The following SF3B3 variants were observed in gnomAD, a reference collection of about 807,000 sequenced individuals.
SF3B3 encodes splicing factor 3b subunit 3.
In SF3B3, 33 loss-of-function variants were observed where a neutral mutation model predicts 139.2. The ratio of observed to expected loss-of-function variants is 0.24; its 90% CI spans 0.18 to 0.32. SF3B3 has a LOEUF of 0.32. SF3B3 is among the 10% of genes least tolerant of loss of function. SF3B3 has a pLI of 1.00. For synonymous variants in SF3B3, 596 were observed against 563.6 expected (o/e 1.06, Z -0.81); for missense variants, 818 against 1,509.4 (o/e 0.54, Z 7.59).
intron 13 of SF3B3, among the ~76,000 whole-genome samples, chr16:70,555,918 G>T (rs1400516811): frequency 1.3e-5 from 2 of 152,142 alleles, no homozygotes; most frequent in African/African-American, 4.8e-5. Context: ...AAAATTTGTG[G>T]CACATTGACC....
intron 10 of SF3B3, among the ~76,000 whole-genome samples, chr16:70,546,850 A>AC (rs1250485476): frequency 6.6e-6 from 1 of 151,906 alleles, no homozygotes; most frequent in East Asian, 1.9e-4. Context: ...ACACGGTGAA[A>AC]CCCCGTCTCT....
Position 70,577,151 on chromosome 16 carries a change from G to T in SF3B3, c.*5338G>T, listed in dbSNP as rs917005060. The T allele has an allele frequency of 1.3e-5, 2 of 152,182 alleles. No individual in the cohort carries two copies. The highest frequency in any genetic ancestry group is 2.9e-5 in the Non-Finnish European group (2 of 68,106). The allele number at this position is 152,182 out of a possible 1,614,324, so 9.4% of individuals were successfully genotyped here. ...CAAAAACACCAAAAAACAAAAACCG[G>T]TCTCCTGGGGTCATGGTAGCACAAA... On this transcript the variant is annotated 3_prime_UTR_variant, in exon 26 of 26. Coordinates refer to ENST00000302516, the MANE Select transcript of SF3B3 (RefSeq NM_012426.5).
At chr16:70,561,834 G>C (rs145033071) in intron 17 of SF3B3, 50 bp downstream of exon 17, 1 of 1,532,200 alleles carries the variant, frequency 6.5e-7, no homozygotes, top group African/African-American at 1.4e-5. Context: ...TCTGCCAAGG[G>C]CTCAGACTGG....
chr16:70,539,482 A>G (rs1330242849), intron 8 of SF3B3, among the ~76,000 whole-genome samples: 1 of 152,072 alleles, frequency 6.6e-6, no homozygotes, highest in African/African-American at 2.4e-5. Context: ...TGGAAGGTGG[A>G]GATTGCAGTG....
intron 11 of SF3B3, chr16:70,550,546 T>C: frequency 2.3e-6 from 1 of 432,176 alleles, no homozygotes; most frequent in Non-Finnish European, 3.1e-6. Context: ...TGAGTGAACA[T>C]TCCTTCTGCC....
chr16:70,535,628 ACTAAT>A (rs2050159041), intron 6 of SF3B3, among the ~76,000 whole-genome samples: 1 of 152,236 alleles, frequency 6.6e-6, no homozygotes, highest in African/African-American at 2.4e-5. Context: ...GGGAATTAAA[ACTAAT>A]CTAATTTCTA....
rs1336985029 is a variant in SF3B3, at chr16:70,563,619, A to G, written c.2289-257A>G. The G allele has an allele frequency of 1.0e-5, 4 of 388,842 alleles. No homozygotes were observed. The Admixed American group carries it at 1.3e-4, about 12-fold the overall frequency. The allele number at this position is 388,842 out of a possible 1,614,324, so 24.1% of individuals were successfully genotyped here. The stretch of plus-strand genomic sequence containing the variant: ...GAGTGATTAAAAAAAAACTTTTGAC[A>G]ATCGTTTGTGTTTCATTGGTAGGAA... On this transcript the variant is annotated intron_variant, in intron 17 of 25. Coordinates refer to ENST00000302516, the MANE Select transcript of SF3B3 (RefSeq NM_012426.5).
In SF3B3 at chr16:70,544,328, G is replaced by A. The variant is rs1046435309; in HGVS notation, c.1234-110G>A. On this transcript the variant is annotated intron_variant, in intron 9 of 25. Coordinates refer to ENST00000302516, the MANE Select transcript of SF3B3 (RefSeq NM_012426.5). ...TTCACCTCTTTTCACATATTGATCA[G>A]CAGATAATTGTATTGGAAAGCAGCT... The A allele has an allele frequency of 4.4e-6, 3 of 680,720 alleles. No homozygotes were observed. In the Admixed American group the frequency reaches 7.2e-5, roughly 16 times the overall value. The allele number at this position is 680,720 out of a possible 1,614,324, so 42.2% of individuals were successfully genotyped here.
chr16:70,542,219 ATGTGT>A (rs1321782155), intron 9 of SF3B3, among the ~76,000 whole-genome samples: 1 of 57,156 alleles, frequency 1.7e-5, no homozygotes, highest in Non-Finnish European at 4.4e-5. Flanking sequence ...GTATATGTTT[ATGTGT>A]TATATCTTTT....
chr16:70,569,111 C>T lies in SF3B3; in HGVS notation c.3234C>T (p.Asp1078=), dbSNP rs1282716131. ...CTACAGGAAACAAAGCCCTGTGGGA[C>T]CGTGGCTTGCTCAATGGGGCCTCCC... is the stretch of plus-strand genomic sequence containing the variant. The part of the protein sequence containing the change: ...EDPTGNKALW[D]RGLLNGASQK... The change falls in exon 23 of 26, where the codon GAC becomes GAT. Residue 1078 remains aspartate, a synonymous_variant. Transcript: ENST00000302516. The T allele has an allele frequency of 6.2e-7, 1 of 1,611,510 alleles. No individual in the cohort carries two copies. Among genetic ancestry groups the T allele is most frequent in the African/African-American group, 1.3e-5 (1 of 74,894 alleles).
chr16:70,570,204 G>A, intron 24 of SF3B3, 55 bp downstream of exon 24: 1 of 1,569,838 alleles, frequency 6.4e-7, no homozygotes, highest in Non-Finnish European at 8.7e-7. Context: ...TCTTGGTGCT[G>A]GATCTACCTA....
At chr16:70,556,137 T>C (rs2050377948) in intron 13 of SF3B3, 42 bp from the exon 14 acceptor site, 1 of 1,609,166 alleles carries the variant, frequency 6.2e-7, no homozygotes, top group Non-Finnish European at 8.5e-7. Context: ...TCTAGACCCA[T>C]CCCTCTGTAG....
At chr16:70,544,705 C>G (rs75429800) in intron 10 of SF3B3, among the ~76,000 whole-genome samples, 172 bp downstream of exon 10, 4,834 of 152,274 alleles carry the variant, frequency 0.032, 282 homozygotes, top group African/African-American at 0.11. Flanking sequence ...TTCTTTTTGT[C>G]TCCAAAACAG....
At chr16:70,556,747 C>G in intron 14 of SF3B3, 139 bp from the exon 15 acceptor site, 2 of 821,040 alleles carry the variant, frequency 2.4e-6, no homozygotes, top group East Asian at 2.7e-5. Flanking sequence ...TAACTCAGTA[C>G]TCTCTTAGAA....
intron 10 of SF3B3, 140 bp downstream of exon 10, chr16:70,544,673 A>G: frequency 1.6e-6 from 1 of 606,742 alleles, no homozygotes; most frequent in Admixed American, 3.0e-5. Flanking sequence ...GACTTCCCCG[A>G]AGTTTATACT....
In SF3B3 at chr16:70,571,887, T is replaced by A; in HGVS notation, c.*74T>A. The A allele has an allele frequency of 6.6e-7, 1 of 1,512,306 alleles. No homozygotes were observed. The highest frequency in any genetic ancestry group is 8.9e-7 in the Non-Finnish European group (1 of 1,117,330). 93.7% of individuals were successfully genotyped at this position (1,512,306 alleles called of 1,614,324 possible). ...CCCACCACCATCACTGCCACCTGGC[T>A]TCTGCCATGTGGCAGGAGGGTGACT... On this transcript the variant is annotated 3_prime_UTR_variant, in exon 26 of 26. Coordinates refer to ENST00000302516, the MANE Select transcript of SF3B3 (RefSeq NM_012426.5).
chr16:70,531,046 C>A, intron 4 of SF3B3, 129 bp downstream of exon 4: 1 of 756,130 alleles, frequency 1.3e-6, no homozygotes, highest in South Asian at 1.7e-5. Context: ...GCTGGCGGAT[C>A]ATGAGGTCAG....
chr16:70,536,565 G>C (rs2050169811), intron 6 of SF3B3, among the ~76,000 whole-genome samples: 1 of 151,462 alleles, frequency 6.6e-6, no homozygotes, highest in Non-Finnish European at 1.5e-5. Flanking sequence ...TAAAGATTGG[G>C]TTTCACCGTG....
chr16:70,562,091 A>G (rs557569364), intron 17 of SF3B3, among the ~76,000 whole-genome samples: 2 of 152,342 alleles, frequency 1.3e-5, no homozygotes, highest in South Asian at 4.1e-4. Flanking sequence ...TAGAGCAAGT[A>G]TTGGATCACT....
Sources: allele counts gnomAD v4.1 joint callset (sites outside exome capture counted in the v4.1 genomes callset), GRCh38; gene constraint gnomAD v4.1.1; transcripts MANE v1.5; gene names NCBI Gene and HGNC (gene_info 2026-07-23, HGNC 2026-07-21).